Variants in WNK4 observed in about 807,000 individuals in gnomAD.
WNK4 encodes the protein serine/threonine-protein kinase WNK4.
A neutral mutation model predicts 116.2 loss-of-function variants in WNK4; 94 were observed. The observed-to-expected ratio is 0.81, with a 90% confidence interval of 0.68 to 0.96. The LOEUF is 0.96. WNK4 is among the 40% of genes least tolerant of loss of function. The probability of loss-of-function intolerance (pLI) is 0.00; values close to 1 mark genes in which losing one functional copy is unlikely to be tolerated. For synonymous variants in WNK4, 655 were observed against 672.7 expected (o/e 0.97, Z 0.41); for missense variants, 1,542 against 1,650.6 (o/e 0.93, Z 1.14).
chr17:42,794,836 T>C lies in WNK4; in HGVS notation c.2415T>C (p.Ser805=). 1 of 1,612,170 alleles carries C rather than the reference T, an allele frequency of 6.2e-7. No homozygotes were observed. Among genetic ancestry groups the C allele is most frequent in the Non-Finnish European group, 8.5e-7 (1 of 1,179,970 alleles). ...GGACAGCCTTCTCCACCTCCTCATC[T>C]TCTCCTGGAACTCCTTTGTCTCCTG... ...RSWTAFSTSS[S]SPGTPLSPGN... is the part of the protein sequence containing the mutation. Residue 805 remains serine (S), a synonymous_variant, in exon 14 of 19, where the codon TCT becomes TCC. Transcript: ENST00000246914.
At chr17:42,787,748 CT>C in intron 7 of WNK4, 29 bp from the exon 8 acceptor site, 4 of 1,609,092 alleles carry the variant, frequency 2.5e-6, no homozygotes, top group Non-Finnish European at 1.7e-6. Context: ...TTTATTTCCC[CT>C]TTTTTTGATC....
In WNK4 at chr17:42,780,692, C is replaced by T; in HGVS notation, c.-7C>T. ...ATTTTCTACCCTTCGGCGCCCTGCT[C>T]TTCCTCATGTTGGCATCCCCGGCCA... On this transcript the variant is annotated 5_prime_UTR_variant, in exon 1 of 19. Transcript: ENST00000246914. The T allele has an allele frequency of 1.9e-6, 3 of 1,606,988 alleles. No individual in the cohort carries two copies. Among genetic ancestry groups the T allele is most frequent in the African/African-American group, 1.3e-5 (1 of 74,942 alleles).
chr17:42,790,748 T>A (rs2054599353), intron 11 of WNK4, among the ~76,000 whole-genome samples: 1 of 152,008 alleles, frequency 6.6e-6, no homozygotes, highest in African/African-American at 2.4e-5. Context: ...CCACACTGGC[T>A]TTTGTTAGGA....
At chr17:42,794,030 AT>A in intron 12 of WNK4, 1 of 362,704 alleles carries the variant, frequency 2.8e-6, no homozygotes, top group Non-Finnish European at 5.3e-6. Context: ...TTTTTTTTGT[AT>A]TTTTAGTAGA....
chr17:42,785,416 C>G lies in WNK4; in HGVS notation c.1410C>G (p.Asp470Glu). The change falls in exon 6 of 19, where the codon GAC becomes GAG. Residue 470 changes from aspartate (D) to glutamate (E), a missense_variant. Physicochemically the swap from Asp to Glu is conservative, Grantham distance 45. Around this residue, in one of 7 missense-constraint regions of WNK4, gnomAD observed 808 missense variants for 873.6 expected, o/e 0.92. Coordinates refer to ENST00000246914, the MANE Select transcript of WNK4 (RefSeq NM_032387.5). ...CGCGGCGCGGGGGGCGCCCACGGGACAACCAGGCCATCGAGTTCCTGTTCC... is the reference window on the plus strand; with the variant it reads ...CGCGGCGCGGGGGGCGCCCACGGGAGAACCAGGCCATCGAGTTCCTGTTCC... ...EDARRGGRPR[D>E]NQAIEFLFQL... is the part of the protein sequence containing the mutation. 6.4e-7 allele frequency: 1 copy of G among 1,566,730 alleles called. No homozygotes were observed. Among genetic ancestry groups the G allele is most frequent in the Non-Finnish European group, 8.7e-7 (1 of 1,155,442 alleles).
chr17:42,796,375 G>C (rs978363354), intron 17 of WNK4, 53 bp downstream of exon 17: 13 of 1,610,938 alleles, frequency 8.1e-6, no homozygotes, highest in Admixed American at 6.7e-5. Flanking sequence ...CCTTTCTGTC[G>C]ACTGTTTTTC....
At chr17:42,781,598 G>T (rs905545319) in intron 1 of WNK4, among the ~76,000 whole-genome samples, 1 of 152,172 alleles carries the variant, frequency 6.6e-6, no homozygotes, top group Non-Finnish European at 1.5e-5. Context: ...AGGATGGGAA[G>T]TTAGGCAGGG....
rs1341135179 is a variant in WNK4 at position 42,795,357 on chromosome 17, C to A, written c.2936C>A (p.Pro979His). Residue 979 changes from proline (P) to histidine (H), a missense_variant, in exon 14 of 19, where the codon CCC (proline) becomes CAC (histidine). By Grantham distance (77) the Pro-to-His change is moderately conservative. This residue lies in a region of WNK4 where 292 missense variants were observed against 290.1 expected (regional missense o/e 1.01). Transcript: ENST00000246914. ...VAPGGQESPS[P>H]HTAEVESEAS... is the part of the protein sequence containing the mutation. ...CCTGGTGGCCAGGAAAGCCCTTCAC[C>A]CCACACAGCTGAGGTGGAGAGTGAG... 6.2e-7 allele frequency: 1 copy of A among 1,614,130 alleles called. No individual in the cohort carries two copies.
chr17:42,784,269 G>C lies in WNK4; in HGVS notation c.1012+112G>C. 1.3e-6 allele frequency: 2 copies of C among 1,549,926 alleles called. No individual in the cohort carries two copies. Among genetic ancestry groups the C allele is most frequent in the Non-Finnish European group, 1.8e-6 (2 of 1,130,764 alleles). On this transcript the variant is annotated intron_variant, in intron 3 of 18. Coordinates refer to ENST00000246914, the MANE Select transcript of WNK4 (RefSeq NM_032387.5). The surrounding 1 kb of genome is among the most constrained non-coding windows in gnomAD (Gnocchi z 4.4). Reference sequence around the variant, plus strand: ...TTCAAGGTCCACAAAACTACCAGACGACAGGGAAGCTGAGGAGACCTATGG... The same window carrying C: ...TTCAAGGTCCACAAAACTACCAGACCACAGGGAAGCTGAGGAGACCTATGG...
chr17:42,787,221 A>T, intron 6 of WNK4, 57 bp from the exon 7 acceptor site: 1 of 1,608,500 alleles, frequency 6.2e-7, no homozygotes, highest in Non-Finnish European at 8.5e-7. Flanking sequence ...AGGCGTCCTG[A>T]TGGATCTTTG....
chr17:42,795,329 G>A lies in WNK4; in HGVS notation c.2908G>A (p.Ala970Thr). ...LPSLPLPPPVAPGGQESPSPH... is the reference protein window; with the variant it reads ...LPSLPLPPPVTPGGQESPSPH... The stretch of plus-strand genomic sequence containing the variant: ...TAGCCTGCCCCTTCCCCCTCCCGTT[G>A]CTCCTGGTGGCCAGGAAAGCCCTTC... The change falls in exon 14 of 19, where the codon GCT becomes ACT. Residue 970 changes from alanine to threonine, a missense_variant. Coordinates refer to ENST00000246914, the MANE Select transcript of WNK4 (RefSeq NM_032387.5). The A allele has an allele frequency of 6.2e-7, 1 of 1,613,574 alleles. No homozygotes were observed. Among genetic ancestry groups the A allele is most frequent in the Non-Finnish European group, 8.5e-7 (1 of 1,179,924 alleles).
intron 11 of WNK4, among the ~76,000 whole-genome samples, chr17:42,792,062 A>G (rs1031235527): frequency 2.0e-5 from 3 of 152,226 alleles, no homozygotes; most frequent in Non-Finnish European, 4.4e-5. Context: ...GAATAGAGGA[A>G]GGGGTCGCTT....
chr17:42,790,772 G>A (rs904581471), intron 11 of WNK4, among the ~76,000 whole-genome samples: 2 of 152,118 alleles, frequency 1.3e-5, no homozygotes, highest in African/African-American at 4.8e-5. Context: ...CTTTGTGGGA[G>A]ACCAGTTTCA....
chr17:42,794,650 C>A lies in WNK4; in HGVS notation c.2332C>A (p.Leu778Ile). The A allele has an allele frequency of 6.2e-7, 1 of 1,613,996 alleles. No homozygotes were observed. The highest frequency in any genetic ancestry group is 8.5e-7 in the Non-Finnish European group (1 of 1,179,988). The change falls in exon 13 of 19, where the codon CTC becomes ATC. Residue 778 changes from leucine (L) to isoleucine (I), a missense_variant. By Grantham distance (5) the Leu-to-Ile change is conservative (BLOSUM62 2). Around this residue, in one of 7 missense-constraint regions of WNK4, gnomAD observed 808 missense variants for 873.6 expected, o/e 0.92. Coordinates refer to ENST00000246914, the MANE Select transcript of WNK4 (RefSeq NM_032387.5). Reference sequence around the variant, plus strand: ...ACCATTACCTGCCCTGCCCGTCCCCCTCCCAGACCCATCCAATGGTATGTA... The same window carrying A: ...ACCATTACCTGCCCTGCCCGTCCCCATCCCAGACCCATCCAATGGTATGTA... ...PAPLPALPVP[L>I]PDPSNEELQS...
Position 42,796,836 on chromosome 17 carries a change from C to A in WNK4, c.*148C>A. On this transcript the variant is annotated 3_prime_UTR_variant, in exon 19 of 19. Coordinates refer to ENST00000246914, the MANE Select transcript of WNK4 (RefSeq NM_032387.5). ...GAAGGCCAGGGGGGCATGGAGAGTG[C>A]AGCTCCATTATAGTGAAGAGCCAAA... 1 of 1,512,596 alleles carries A rather than the reference C, an allele frequency of 6.6e-7. No individual in the cohort carries two copies. The highest frequency in any genetic ancestry group is 9.1e-7 in the Non-Finnish European group (1 of 1,097,092). 93.7% of individuals were successfully genotyped at this position (1,512,596 alleles called of 1,614,324 possible). A position where few individuals can be genotyped will look rare whatever the true frequency, so the allele number is the denominator to read the frequency against.
At position 42,782,702 on chromosome 17, in the gene WNK4, T is replaced by C; in HGVS notation, c.619-56T>C. On this transcript the variant is annotated intron_variant, in intron 1 of 18. Transcript: ENST00000246914. This position sits in a 1 kb window ranked among gnomAD's most constrained non-coding sequence, Gnocchi z 4.2. ...CCCCCAACCCCACTCCAGGTGTCCC[T>C]CTTCCTTTCTGTGGGTGTCCTGGGC... 1 of 1,606,702 alleles carries C rather than the reference T, an allele frequency of 6.2e-7. No homozygotes were observed. The highest frequency in any genetic ancestry group is 8.5e-7 in the Non-Finnish European group (1 of 1,176,158).
chr17:42,794,692 C>A (rs767388242), intron 13 of WNK4, 24 bp downstream of exon 13: 1 of 1,613,908 alleles, frequency 6.2e-7, no homozygotes, highest in South Asian at 1.1e-5. Flanking sequence ...TGTGTCCTTG[C>A]TCATCCCAAC....
Position 42,784,336 on chromosome 17 carries a change from C to T in WNK4, c.1013-86C>T, listed in dbSNP as rs573607414. On this transcript the variant is annotated intron_variant, in intron 3 of 18. Coordinates refer to ENST00000246914, the MANE Select transcript of WNK4 (RefSeq NM_032387.5). This position sits in a 1 kb window ranked among gnomAD's most constrained non-coding sequence, Gnocchi z 4.4. ...ACTGTGGGCCGGGGTCACTTGCACT[C>T]GCAGGGTTGCCTGGGGCTGCCTAGC... 3 of 1,573,372 alleles carry T rather than the reference C, an allele frequency of 1.9e-6. No homozygotes were observed. Among genetic ancestry groups the T allele is most frequent in the Admixed American group, 1.9e-5 (1 of 53,996 alleles).
In WNK4 at chr17:42,785,194, G is replaced by C. The variant is rs1394216973; in HGVS notation, c.1259+9G>C. On this transcript the variant is annotated intron_variant, in intron 5 of 18. Transcript: ENST00000246914. ...ACGGATAAGAACGAGAGGTGGGGGTGAAAGGGCAGAGCGTGGGTAGAATAG... is the reference window on the plus strand; with the variant it reads ...ACGGATAAGAACGAGAGGTGGGGGTCAAAGGGCAGAGCGTGGGTAGAATAG... 6.2e-7 allele frequency: 1 copy of C among 1,613,176 alleles called. No individual in the cohort carries two copies. The highest frequency in any genetic ancestry group is 1.3e-5 in the African/African-American group (1 of 74,948).
Sources: allele counts gnomAD v4.1 joint callset (sites outside exome capture counted in the v4.1 genomes callset), GRCh38; gene constraint gnomAD v4.1.1; regional missense constraint gnomAD v4.1.1; non-coding constraint Gnocchi (gnomAD v3.1); transcripts MANE v1.5; gene names NCBI Gene and HGNC (gene_info 2026-07-23, HGNC 2026-07-21).